LPIN1: variants seen among roughly 807,000 people sequenced by gnomAD.
LPIN1 encodes the protein lipin 1.
LPIN1 carries 71 observed loss-of-function variants against 107.5 expected under a neutral mutation model. The ratio of observed to expected loss-of-function variants is 0.66; its 90% CI spans 0.55 to 0.80. LPIN1 has a LOEUF of 0.80. LPIN1 is among the 30% of genes least tolerant of loss of function. The pLI, the probability that LPIN1 is intolerant of heterozygous loss-of-function variation, is 0.00. For synonymous variants in LPIN1, 445 were observed against 452.6 expected (o/e 0.98, Z 0.21); for missense variants, 1,043 against 1,160.6 (o/e 0.90, Z 1.47).
chr2:11,788,343 C>T (rs370869442), intron 11 of LPIN1, 44 bp from the exon 12 acceptor site: 1 of 1,486,488 alleles, frequency 6.7e-7, no homozygotes, highest in Non-Finnish European at 9.4e-7. Context: ...GGTTTTCAGT[C>T]TGAGCCTCGG....
intron 1 of LPIN1, among the ~76,000 whole-genome samples, chr2:11,731,629 A>C (rs1375885246): frequency 1.3e-5 from 2 of 152,226 alleles, no homozygotes; most frequent in African/African-American, 4.8e-5. Flanking sequence ...TTCTGGTTGT[A>C]GATCCTTGGG....
chr2:11,804,691 A>G, intron 16 of LPIN1, 120 bp downstream of exon 16: 1 of 1,054,692 alleles, frequency 9.5e-7, no homozygotes, highest in Non-Finnish European at 1.5e-6. Context: ...ATTCTGGTGC[A>G]GTTGGAGCTC....
intron 1 of LPIN1, among the ~76,000 whole-genome samples, chr2:11,706,819 A>G (rs1437047589): frequency 6.6e-6 from 1 of 152,172 alleles, no homozygotes; most frequent in Admixed American, 6.5e-5. Context: ...GGGGCTCATT[A>G]ACTAAAAGAT....
upstream of LPIN1, among the ~76,000 whole-genome samples, chr2:11,741,679 C>T (rs969451440): frequency 3.3e-5 from 5 of 152,088 alleles, no homozygotes; most frequent in African/African-American, 9.7e-5. Context: ...GGCAAGGTGG[C>T]GGGTGCCTGT....
At chr2:11,763,660 G>T (rs1242388844) in intron 1 of LPIN1, among the ~76,000 whole-genome samples, 1 of 152,038 alleles carries the variant, frequency 6.6e-6, no homozygotes, top group Non-Finnish European at 1.5e-5. Context: ...TTTTGTTCCA[G>T]AATCCGATGG....
chr2:11,811,361 T>TG (rs1436408661), intron 17 of LPIN1, among the ~76,000 whole-genome samples: 1 of 152,202 alleles, frequency 6.6e-6, no homozygotes, highest in Non-Finnish European at 1.5e-5. Flanking sequence ...GAGCATTTGG[T>TG]GGGGCACTTG....
At chr2:11,788,358 T>C in intron 11 of LPIN1, 29 bp from the exon 12 acceptor site, 1 of 1,575,844 alleles carries the variant, frequency 6.3e-7, no homozygotes, top group Middle Eastern at 1.7e-4. Flanking sequence ...CCTCGGTTTT[T>C]TGACATATAT....
chr2:11,752,653 G>C (rs1668032175), intron 1 of LPIN1, among the ~76,000 whole-genome samples: 2 of 151,508 alleles, frequency 1.3e-5, no homozygotes, highest in East Asian at 3.9e-4. Flanking sequence ...GGATGGTCTC[G>C]ATCTCCTGAC....
upstream of LPIN1, among the ~76,000 whole-genome samples, chr2:11,742,411 G>A (rs1666462530): frequency 6.6e-6 from 1 of 152,312 alleles, no homozygotes; most frequent in Middle Eastern, 3.4e-3. Context: ...TGTCTGTGTA[G>A]CTGTTTTCTT....
At chr2:11,708,531 A>G (rs1477033422) in intron 1 of LPIN1, among the ~76,000 whole-genome samples, 1 of 152,172 alleles carries the variant, frequency 6.6e-6, no homozygotes, top group Non-Finnish European at 1.5e-5. Context: ...AGGGCCATGC[A>G]TGCCAGACCT....
chr2:11,808,840 C>G (rs138375351), intron 17 of LPIN1, among the ~76,000 whole-genome samples: 4 of 148,284 alleles, frequency 2.7e-5, no homozygotes, highest in Admixed American at 1.3e-4. Flanking sequence ...CATTGCACTC[C>G]AGCCTGGGTG....
chr2:11,802,547 G>A (rs915141539), intron 14 of LPIN1, among the ~76,000 whole-genome samples: 9 of 152,172 alleles, frequency 5.9e-5, no homozygotes, highest in Non-Finnish European at 1.2e-4. Flanking sequence ...CTAGCGCTTG[G>A]CATGCAGTCT....
At chr2:11,693,685 G>A (rs971109201) in intron 1 of LPIN1, among the ~76,000 whole-genome samples, 8 of 149,944 alleles carry the variant, frequency 5.3e-5, no homozygotes, top group Non-Finnish European at 1.2e-4. Flanking sequence ...AATGATATTT[G>A]CTGTACCTCC....
Position 11,741,243 on chromosome 2 carries a change from T to G in LPIN1, c.-71-106T>G. 5.6e-6 allele frequency: 4 copies of G among 720,328 alleles called. No homozygotes were observed. In the Admixed American group the frequency reaches 1.1e-4, roughly 21 times the overall value. 44.6% of individuals were successfully genotyped at this position (720,328 alleles called of 1,614,324 possible). On this transcript the variant is annotated intron_variant, in intron 1 of 21. Transcript: ENST00000396097. Reference sequence around the variant, plus strand: ...TCCTGCCCCAGCTGTGTCCCTAAGTTGCTGGGTTAACCTCTGTAGAATGTG... The same window carrying G: ...TCCTGCCCCAGCTGTGTCCCTAAGTGGCTGGGTTAACCTCTGTAGAATGTG...
chr2:11,677,558 CA>C (rs2148495450), upstream of LPIN1: 1 of 977,576 alleles, frequency 1.0e-6, no homozygotes, highest in South Asian at 1.4e-5. Flanking sequence ...TCACCCAGCC[CA>C]GCCTCCCAGC....
chr2:11,780,568 T>C (rs1673418602), intron 7 of LPIN1, among the ~76,000 whole-genome samples: 1 of 152,188 alleles, frequency 6.6e-6, no homozygotes, highest in Non-Finnish European at 1.5e-5. Flanking sequence ...GGACCCTGAA[T>C]TTGACCCTAT....
intron 1 of LPIN1, among the ~76,000 whole-genome samples, chr2:11,756,322 C>G (rs550289849): frequency 2.6e-5 from 4 of 152,292 alleles, no homozygotes; most frequent in African/African-American, 9.6e-5. Context: ...ATGAGTGGAA[C>G]AGCAGATTCC....
chr2:11,761,610 G>T (rs773946104), intron 1 of LPIN1, among the ~76,000 whole-genome samples: 1 of 152,026 alleles, frequency 6.6e-6, no homozygotes, highest in African/African-American at 2.4e-5. Flanking sequence ...TGGTTCTCTG[G>T]CCTGTTCTAA....
rs1682166462 is a variant in LPIN1, at chr2:11,824,851, A to G, written c.*60A>G. ...GCCTGGTTGTCACCCATTAAAGGAT[A>G]GGTCTCCCCGGAGTGCACAGCTCCA... is the stretch of plus-strand genomic sequence containing the variant. On this transcript the variant is annotated 3_prime_UTR_variant, in exon 21 of 21. Transcript: ENST00000674199. The G allele has an allele frequency of 6.3e-7, 1 of 1,598,856 alleles. No homozygotes were observed. Among genetic ancestry groups the G allele is most frequent in the African/African-American group, 1.3e-5 (1 of 74,736 alleles).
Sources: allele counts gnomAD v4.1 joint callset (sites outside exome capture counted in the v4.1 genomes callset), GRCh38; gene constraint gnomAD v4.1.1; transcripts MANE v1.5; gene names NCBI Gene and HGNC (gene_info 2026-07-23, HGNC 2026-07-21).